PPP2R2B: variants seen among roughly 807,000 people sequenced by gnomAD.
PPP2R2B encodes the protein serine/threonine-protein phosphatase 2A 55 kDa regulatory subunit B beta isoform.
Under a neutral mutation model 46.0 loss-of-function variants are expected in PPP2R2B, and 5 were observed. The observed-to-expected ratio is 0.11, with a 90% CI of 0.06 to 0.23. The LOEUF is 0.23. Ranked by LOEUF, PPP2R2B falls within the 10% of genes least tolerant of loss-of-function variation. The probability of loss-of-function intolerance (pLI) is 1.00; values close to 1 mark genes in which losing one functional copy is unlikely to be tolerated. For missense variants in PPP2R2B, 367 were observed against 575.0 expected (o/e 0.64, Z 3.70); for synonymous variants, 215 against 206.7 (o/e 1.04, Z -0.34).
rs943757541 is a variant in PPP2R2B at position 146,587,205 on chromosome 5, A to G, written c.*2742T>C. On this transcript the variant is annotated 3_prime_UTR_variant, in exon 10 of 10. Coordinates refer to ENST00000394411, the MANE Select transcript of PPP2R2B (RefSeq NM_181675.4). ...AGAAATATTGCCAGTACTGGGGCTG[A>G]AAGATCACACATGTAAAATACCTAG... 3 of 152,256 alleles carry G rather than the reference A, an allele frequency of 2.0e-5. No homozygotes were observed. 9.4% of individuals were successfully genotyped at this position (152,256 alleles called of 1,614,324 possible).
chr5:146,997,267 G>A (rs1580774728), intron 1 of PPP2R2B, among the ~76,000 whole-genome samples: 1 of 152,110 alleles, frequency 6.6e-6, no homozygotes, highest in East Asian at 1.9e-4. Context: ...TGGATTCAGA[G>A]GGGCCCTTCT....
At chr5:146,784,103 C>T (rs894791499) in intron 2 of PPP2R2B, among the ~76,000 whole-genome samples, 10 of 152,120 alleles carry the variant, frequency 6.6e-5, no homozygotes, top group Admixed American at 6.5e-4. Flanking sequence ...AACATTTTAC[C>T]CTTTCTCTCT....
At position 146,750,367 on chromosome 5, in the gene PPP2R2B, C is replaced by G. The variant is rs533366086; in HGVS notation, c.71-49225G>C. Among the ~76,000 whole-genome samples the G allele has an allele frequency of 2.0e-5, 3 of 152,208 alleles. No individual in the cohort carries two copies. In the East Asian group the frequency reaches 5.8e-4, roughly 29 times the overall value. ...GGATTTTGATAGCAATCACATTAAACCTATATATCAATTTGGGAAGAATTA... is the reference window on the plus strand; with the variant it reads ...GGATTTTGATAGCAATCACATTAAAGCTATATATCAATTTGGGAAGAATTA... On this transcript the variant is annotated intron_variant, in intron 2 of 9. Transcript: ENST00000394411.
chr5:146,786,190 T>C (rs161034), intron 2 of PPP2R2B, among the ~76,000 whole-genome samples: 89,420 of 151,812 alleles, frequency 0.59, 27,817 homozygotes, highest in Non-Finnish European at 0.69. Flanking sequence ...CTATAATAAA[T>C]GGAAGGAAAA....
intron 2 of PPP2R2B, among the ~76,000 whole-genome samples, chr5:146,768,431 A>G (rs1754626139): frequency 6.6e-6 from 1 of 152,072 alleles, no homozygotes; most frequent in Admixed American, 6.6e-5. Flanking sequence ...AATGGTTAAC[A>G]GTTTTATTCC....
chr5:146,596,878 CCAGCCCTGCTGGAACA>C, intron 8 of PPP2R2B, among the ~76,000 whole-genome samples: 1 of 152,316 alleles, frequency 6.6e-6, no homozygotes, highest in Non-Finnish European at 1.5e-5. Context: ...AAACCTTTCT[CCAGCCCTGCTGGAACA>C]CAGAGTCATC....
chr5:146,601,030 A>G (rs1032489033), intron 7 of PPP2R2B, among the ~76,000 whole-genome samples: 4 of 152,198 alleles, frequency 2.6e-5, no homozygotes, highest in African/African-American at 4.8e-5. Flanking sequence ...CATAAATAGA[A>G]TCATAGAATA....
intron 2 of PPP2R2B, among the ~76,000 whole-genome samples, chr5:146,763,405 T>G (rs1213353806): frequency 1.3e-5 from 2 of 152,150 alleles, no homozygotes; most frequent in African/African-American, 4.8e-5. Flanking sequence ...GTTTCTTGTT[T>G]GGAAAGGATG....
At chr5:146,891,353 A>G (rs767019377) in intron 1 of PPP2R2B, among the ~76,000 whole-genome samples, 1 of 152,244 alleles carries the variant, frequency 6.6e-6, no homozygotes, top group Non-Finnish European at 1.5e-5. Flanking sequence ...CACATAATCC[A>G]CACCCAATAA....
intron 8 of PPP2R2B, among the ~76,000 whole-genome samples, chr5:146,596,665 G>A (rs947348934): frequency 6.6e-6 from 1 of 152,178 alleles, no homozygotes; most frequent in Non-Finnish European, 1.5e-5. Flanking sequence ...TTATGCAGCT[G>A]GAAGAGGACA....
chr5:146,747,461 A>T (rs960398697), intron 2 of PPP2R2B, among the ~76,000 whole-genome samples: 1 of 152,226 alleles, frequency 6.6e-6, no homozygotes, highest in African/African-American at 2.4e-5. Flanking sequence ...TTTTGAGTGA[A>T]CAATAGTGAT....
chr5:146,921,976 A>G (rs879824004), intron 1 of PPP2R2B, among the ~76,000 whole-genome samples: 16 of 152,172 alleles, frequency 1.1e-4, no homozygotes, highest in Admixed American at 8.5e-4. Context: ...TAAGGTAGGT[A>G]TATCTTCACT....
intron 3 of PPP2R2B, 38 bp from the exon 4 acceptor site, chr5:146,698,182 A>G: frequency 6.6e-7 from 1 of 1,515,020 alleles, no homozygotes. Context: ...AGATTAAATC[A>G]CAGTAGCCAA....
intron 1 of PPP2R2B, among the ~76,000 whole-genome samples, chr5:147,026,356 A>G (rs1044466286): frequency 4.6e-5 from 7 of 152,168 alleles, no homozygotes; most frequent in African/African-American, 1.7e-4. Flanking sequence ...TGAGTTAAAG[A>G]AGCCAGGAAA....
At chr5:146,788,187 A>AT (rs1755965842) in intron 2 of PPP2R2B, among the ~76,000 whole-genome samples, 2 of 152,024 alleles carry the variant, frequency 1.3e-5, no homozygotes, top group Admixed American at 1.3e-4. Flanking sequence ...GTCTAGCTAT[A>AT]TTTTGTCTTG....
chr5:146,738,593 C>T (rs985446044), intron 2 of PPP2R2B, among the ~76,000 whole-genome samples: 1 of 152,032 alleles, frequency 6.6e-6, no homozygotes, highest in Non-Finnish European at 1.5e-5. Flanking sequence ...GTATTTTGCA[C>T]AGTGTTAAGC....
intron 2 of PPP2R2B, among the ~76,000 whole-genome samples, chr5:146,773,623 G>A (rs897319699): frequency 1.3e-5 from 2 of 152,184 alleles, no homozygotes; most frequent in African/African-American, 4.8e-5. Context: ...GAGCCTGAAG[G>A]TAATCAAAGT....
intron 2 of PPP2R2B, among the ~76,000 whole-genome samples, chr5:146,792,963 A>G (rs1582115665): frequency 2.0e-5 from 3 of 152,330 alleles, no homozygotes; most frequent in South Asian, 2.1e-4. Context: ...ATAGGAATCA[A>G]TATGGCTACT....
intron 2 of PPP2R2B, among the ~76,000 whole-genome samples, chr5:146,813,260 A>G (rs1411238077): frequency 2.0e-5 from 3 of 152,116 alleles, no homozygotes; most frequent in Non-Finnish European, 4.4e-5. Flanking sequence ...CTTTACACAC[A>G]AACACACATA....
Sources: allele counts gnomAD v4.1 joint callset (sites outside exome capture counted in the v4.1 genomes callset), GRCh38; gene constraint gnomAD v4.1.1; transcripts MANE v1.5; gene names NCBI Gene and HGNC (gene_info 2026-07-23, HGNC 2026-07-21).